The following PI4KA variants were observed in gnomAD, a reference collection of about 807,000 sequenced individuals.
PI4KA encodes PI4-kinase alpha.
A neutral mutation model predicts 271.4 loss-of-function variants in PI4KA; 122 were observed. The ratio of observed to expected loss-of-function variants is 0.45; its 90% CI spans 0.39 to 0.52. The LOEUF (loss-of-function observed/expected upper bound fraction) is 0.52, where lower values mean the gene tolerates loss of function less well. Ranked by LOEUF, PI4KA falls within the 20% of genes least tolerant of loss-of-function variation. The pLI is 0.00. For missense variants in PI4KA, 1,969 were observed against 2,769.1 expected, an observed-to-expected ratio of 0.71 and a Z score of 6.48; for synonymous variants, 1,041 against 1,078.8, an observed-to-expected ratio of 0.96 and a Z score of 0.69.
chr22:20,797,955 G>C (rs1003516665), intron 17 of PI4KA, among the ~76,000 whole-genome samples: 1 of 152,050 alleles, frequency 6.6e-6, no homozygotes, highest in Non-Finnish European at 1.5e-5. Context: ...ACATGTCCCT[G>C]TCCTCAAGGC....
rs1176931154 is a variant in PI4KA, at chr22:20,727,128, C to T, written c.4941+102G>A. On this transcript the variant is annotated intron_variant, in intron 41 of 54. Coordinates refer to ENST00000255882, the MANE Select transcript of PI4KA (RefSeq NM_058004.4). ...AAACAGGGAAAGGACCAGTATGTAA[C>T]GGGGCGACCTCATGGCCAATGGTGG... 11 of 1,038,660 alleles carry T rather than the reference C, an allele frequency of 1.1e-5. No homozygotes were observed. The Admixed American group carries it at 1.6e-4, about 15-fold the overall frequency. 64.3% of individuals were successfully genotyped at this position (1,038,660 alleles called of 1,614,324 possible). A position where few individuals can be genotyped will look rare whatever the true frequency, so the allele number is the denominator to read the frequency against.
rs150949976 is a variant in PI4KA, at chr22:20,801,847, C to T, written c.1724+126G>A. The stretch of plus-strand genomic sequence containing the variant: ...GTAGCAGTGAGCCGAGATTGTGCCA[C>T]TGCATTCCAGCCTGGGCAACAGAGC... On this transcript the variant is annotated intron_variant, in intron 14 of 54. Coordinates refer to ENST00000255882, the MANE Select transcript of PI4KA (RefSeq NM_058004.4). 767 of 1,044,098 alleles carry T rather than the reference C, an allele frequency of 7.3e-4. 4 individuals are homozygous for T. In the African/African-American group the frequency reaches 0.011, roughly 15 times the overall value. 64.7% of individuals were successfully genotyped at this position (1,044,098 alleles called of 1,614,324 possible).
Position 20,761,402 on chromosome 22 carries a change from C to T in PI4KA, c.2709-16G>A, listed in dbSNP as rs752998296. The stretch of plus-strand genomic sequence containing the variant: ...ACGCAGTACCCTAAGAAGAAAACAG[C>T]TTTAAATAAATTTTGAAAAATCTGG... On this transcript the variant is annotated splice_polypyrimidine_tract_variant and intron_variant, in intron 22 of 54. Transcript: ENST00000255882. The T allele has an allele frequency of 6.3e-7, 1 of 1,579,612 alleles. No homozygotes were observed. The highest frequency in any genetic ancestry group is 8.7e-7 in the Non-Finnish European group (1 of 1,148,862).
At position 20,806,793 on chromosome 22, in the gene PI4KA, C is replaced by T. The variant is rs144159657; in HGVS notation, c.1168+569G>A. On this transcript the variant is annotated intron_variant, in intron 10 of 54. Coordinates refer to ENST00000255882, the MANE Select transcript of PI4KA (RefSeq NM_058004.4). ...TCACATAGGCTGGAGTGCAGTGGCA[C>T]GATCTGGGCTCACTGCAACCTCCGC... Among the ~76,000 whole-genome samples, 334 of 152,004 alleles carry T rather than the reference C, an allele frequency of 2.2e-3. 1 individual carries two copies. Among genetic ancestry groups the T allele is most frequent in the African/African-American group, 7.9e-3 (329 of 41,458 alleles).
At chr22:20,758,451 TTTCTTTTC>T in intron 23 of PI4KA, among the ~76,000 whole-genome samples, 1 of 129,134 alleles carries the variant, frequency 7.7e-6, no homozygotes, top group African/African-American at 3.1e-5. Flanking sequence ...GTGATTTTTC[TTTCTTTTC>T]TTTTTTTTTT....
intron 54 of PI4KA, among the ~76,000 whole-genome samples, chr22:20,709,077 CCAGG>C (rs1163344169): frequency 6.7e-6 from 1 of 149,974 alleles, no homozygotes; most frequent in African/African-American, 2.4e-5. Flanking sequence ...CGAGCCCTGC[CCAGG>C]TGGGCCCGGC....
intron 22 of PI4KA, 124 bp from the exon 23 acceptor site, chr22:20,761,510 A>G: frequency 2.9e-6 from 2 of 684,462 alleles, no homozygotes; most frequent in South Asian, 1.6e-5. Flanking sequence ...ATAAGGGTGC[A>G]CACTGAGGTG....
rs767980007 is a variant in PI4KA, at chr22:20,802,093, T to C, written c.1604A>G (p.Asp535Gly). ...CTCATTGGTCACACTGATTTTTATA[T>C]CATTGCCAGCAACTGAAAGTAAAAA... ...HSQYHTVAGNDIKISVTNEHS... is the reference protein window; with the variant it reads ...HSQYHTVAGNGIKISVTNEHS... Residue 535 changes from aspartate (D) to glycine (G), a missense_variant, in exon 14 of 55, where the codon GAT becomes GGT. Transcript: ENST00000255882. The C allele has an allele frequency of 3.1e-6, 5 of 1,613,842 alleles. No individual in the cohort carries two copies. Among genetic ancestry groups the C allele is most frequent in the Non-Finnish European group, 4.2e-6 (5 of 1,179,942 alleles).
At chr22:20,855,287 T>G (rs775431131) in intron 1 of PI4KA, among the ~76,000 whole-genome samples, 40 of 152,004 alleles carry the variant, frequency 2.6e-4, no homozygotes, top group Non-Finnish European at 4.6e-4. Flanking sequence ...TTTATTATAC[T>G]TTAAGTTCAA....
intron 27 of PI4KA, 105 bp from the exon 28 acceptor site, chr22:20,750,099 C>A: frequency 2.7e-6 from 2 of 733,822 alleles, no homozygotes; most frequent in Non-Finnish European, 2.5e-6. Context: ...CCCTATGCTG[C>A]GCCTTAACTG....
In PI4KA at chr22:20,854,422, A is replaced by G. The variant is rs562951378; in HGVS notation, c.156+4148T>C. Among the ~76,000 whole-genome samples, 4 of 152,098 alleles carry G rather than the reference A, an allele frequency of 2.6e-5. No homozygotes were observed. In the East Asian group the frequency reaches 7.7e-4, roughly 29 times the overall value. On this transcript the variant is annotated intron_variant, in intron 1 of 54. Coordinates refer to ENST00000255882, the MANE Select transcript of PI4KA (RefSeq NM_058004.4). ...AGGCGTGAGTCACTGTGCCCAGCCT[A>G]AGGTAATTTTTTTTTTTAAGTAAAG... is the stretch of plus-strand genomic sequence containing the variant.
chr22:20,817,339 G>C (rs776908796), intron 7 of PI4KA, among the ~76,000 whole-genome samples: 8 of 152,118 alleles, frequency 5.3e-5, no homozygotes, highest in Non-Finnish European at 1.2e-4. Context: ...ATCAAGTAAG[G>C]TAGAAATAAT....
chr22:20,715,354 G>C (rs1925852191), intron 45 of PI4KA, among the ~76,000 whole-genome samples: 1 of 152,062 alleles, frequency 6.6e-6, no homozygotes, highest in African/African-American at 2.4e-5. Context: ...ACAGGTGTGA[G>C]CCACTGCGCC....
intron 3 of PI4KA, among the ~76,000 whole-genome samples, chr22:20,829,799 T>G (rs1358673644): frequency 6.6e-6 from 1 of 152,192 alleles, no homozygotes; most frequent in Non-Finnish European, 1.5e-5. Flanking sequence ...TGCTATAAAC[T>G]TCCCTCTTAA....
intron 19 of PI4KA, chr22:20,780,322 A>AT (rs1933670152): frequency 6.8e-7 from 1 of 1,476,990 alleles, no homozygotes; most frequent in African/African-American, 1.4e-5. Context: ...TAGACACAAG[A>AT]TTGACTCTGG....
chr22:20,787,174 C>A, intron 19 of PI4KA: 1 of 1,033,418 alleles, frequency 9.7e-7, no homozygotes, highest in Non-Finnish European at 1.5e-6. Context: ...TTTACGCTAC[C>A]AATCTGAATT....
intron 36 of PI4KA, among the ~76,000 whole-genome samples, chr22:20,731,254 C>G (rs185194540): frequency 1.6e-4 from 24 of 152,324 alleles, no homozygotes; most frequent in Non-Finnish European, 1.2e-4. Flanking sequence ...GTTATCTGAT[C>G]ACCGGCAACG....
rs1199059263 is a variant in PI4KA, at chr22:20,708,077, G to T, written c.6279C>A (p.Ile2093=). The change falls in exon 55 of 55, where the codon ATC becomes ATA. Residue 2093 remains isoleucine (I), a synonymous_variant. Transcript: ENST00000255882. ...AGGGGATGTCATTCTGATAGTACTG[G>T]ATCATGTCGTAGGTCCGGCTCCTGA... The part of the protein sequence containing the change: ...LSNRSRTYDM[I]QYYQNDIPY 2 of 1,613,544 alleles carry T rather than the reference G, an allele frequency of 1.2e-6. No homozygotes were observed. The highest frequency in any genetic ancestry group is 1.7e-6 in the Non-Finnish European group (2 of 1,179,556).
rs116584495 is a variant in PI4KA at position 20,789,273 on chromosome 22, C to T, written c.2328+3920G>A. Among the ~76,000 whole-genome samples the T allele has an allele frequency of 9.1e-3, 1,386 of 152,306 alleles. 26 individuals are homozygous for T. The highest frequency in any genetic ancestry group is 0.031 in the African/African-American group (1,288 of 41,570). ...CAGCAGCACTTACCTTGAGGGATTG[C>T]TGTGAGGATTAATCAAATTAATGTC... is the stretch of plus-strand genomic sequence containing the variant. On this transcript the variant is annotated intron_variant, in intron 19 of 54. Transcript: ENST00000255882.
Sources: gnomAD v4.1 joint callset for allele counts (sites outside exome capture counted in the v4.1 genomes callset) on GRCh38, gnomAD v4.1.1 for gene constraint, MANE v1.5 for transcripts, NCBI Gene and HGNC (gene_info 2026-07-23, HGNC 2026-07-21) for gene names.